The following ADRA1A variants were observed in gnomAD, a reference collection of about 807,000 sequenced individuals.
The protein encoded by ADRA1A is adrenoceptor alpha 1A.
Under a neutral mutation model 29.6 loss-of-function variants are expected in ADRA1A, and 31 were observed. The ratio of observed to expected loss-of-function variants is 1.05; its 90% CI spans 0.79 to 1.41. The LOEUF is 1.41. ADRA1A is among the 40% of genes most tolerant of loss of function. The pLI, the probability that ADRA1A is intolerant of heterozygous loss-of-function variation, is 0.00. For synonymous variants in ADRA1A, 311 were observed against 254.3 expected, an observed-to-expected ratio of 1.22 and a Z score of -2.12; for missense variants, 619 against 601.1, an observed-to-expected ratio of 1.03 and a Z score of -0.31.
In ADRA1A at chr8:26,865,161, G is replaced by A; in HGVS notation, c.-192C>T. On this transcript the variant is annotated 5_prime_UTR_variant, in exon 2 of 3. Coordinates refer to ENST00000380573, the MANE Select transcript of ADRA1A (RefSeq NM_000680.4). This position sits in a 1 kb window ranked among gnomAD's most constrained non-coding sequence, Gnocchi z 7.6. ...GGCCAGCCCTGGGAACCCTCAGAAG[G>A]CCACATGAAGGGGCAGGGCATTAAA... The A allele has an allele frequency of 7.0e-7, 1 of 1,429,488 alleles. No individual in the cohort carries two copies. Among genetic ancestry groups the A allele is most frequent in the East Asian group, 2.5e-5 (1 of 39,318 alleles). The allele number at this position is 1,429,488 out of a possible 1,614,324, so 88.6% of individuals were successfully genotyped here. A position where few individuals can be genotyped will look rare whatever the true frequency, so the allele number is the denominator to read the frequency against.
At position 26,815,062 on chromosome 8, in the gene ADRA1A, T is replaced by C. The variant is rs2130562153; in HGVS notation, c.884-44396A>G. Among the ~76,000 whole-genome samples, 2 of 152,316 alleles carry C rather than the reference T, an allele frequency of 1.3e-5. No homozygotes were observed. The highest frequency in any genetic ancestry group is 1.3e-4 in the Admixed American group (2 of 15,298). ...TCCTTATGTATTTAACTCACTGTAG[T>C]AATTTAGAAAAACATGTTTTATTTC... On this transcript the variant is annotated intron_variant, in intron 2 of 2. Coordinates refer to ENST00000380573, the MANE Select transcript of ADRA1A (RefSeq NM_000680.4). This position sits in a 1 kb window ranked among gnomAD's most constrained non-coding sequence, Gnocchi z 4.2.
chr8:26,767,309 T>C (rs919184042), downstream of ADRA1A, among the ~76,000 whole-genome samples: 3 of 152,070 alleles, frequency 2.0e-5, no homozygotes, highest in Admixed American at 2.0e-4. Context: ...TGAGTATAAA[T>C]ATGACAATCA....
At chr8:26,753,709 A>G (rs1184267720), downstream of ADRA1A, among the ~76,000 whole-genome samples, 1 of 152,166 alleles carries the variant, frequency 6.6e-6, no homozygotes, top group African/African-American at 2.4e-5. Context: ...AACTATTACA[A>G]TCTACCTCAT....
At chr8:26,803,406 ATACTT>A (rs1303830685) in intron 2 of ADRA1A, among the ~76,000 whole-genome samples, 2 of 152,210 alleles carry the variant, frequency 1.3e-5, no homozygotes, top group African/African-American at 4.8e-5. Context: ...CTCTTGAACT[ATACTT>A]ATACTGTGCA....
Position 26,770,567 on chromosome 8 carries a change from C to CCAAGAGTATATG in ADRA1A, c.982_983insCATATACTCTTG (p.Cys328delinsSerTyrThrLeuGly). 1 of 1,614,146 alleles carries CCAAGAGTATATG rather than the reference C, an allele frequency of 6.2e-7. No individual in the cohort carries two copies. Among genetic ancestry groups the CCAAGAGTATATG allele is most frequent in the Non-Finnish European group, 8.5e-7 (1 of 1,180,030 alleles). Reference sequence around the variant, plus strand: ...GGCCTTTTTGAACTCTTGGCTGGAGCATGGGTATATGATGGGGTTGATGCA... The same window carrying CCAAGAGTATATG: ...GGCCTTTTTGAACTCTTGGCTGGAGCCAAGAGTATATGATGGGTATATGATGGGGTTGATGCA... On this transcript the variant is annotated protein_altering_variant, in exon 3 of 3. Coordinates refer to ENST00000380573, the MANE Select transcript of ADRA1A (RefSeq NM_000680.4).
rs1404749421 is a variant in ADRA1A, at chr8:26,866,610, G to T, written c.-687+326C>A. On this transcript the variant is annotated intron_variant, in intron 1 of 2. Coordinates refer to ENST00000380573, the MANE Select transcript of ADRA1A (RefSeq NM_000680.4). The surrounding 1 kb of genome is among the most constrained non-coding windows in gnomAD (Gnocchi z 5.7). ...TGCCCACCTTGCCTTCTGGGGTTGG[G>T]CCCTGAGGTGGGACCTCGGGCAAAG... Among the ~76,000 whole-genome samples, 1 of 152,146 alleles carries T rather than the reference G, an allele frequency of 6.6e-6. No homozygotes were observed. The highest frequency in any genetic ancestry group is 1.5e-5 in the Non-Finnish European group (1 of 68,026).
intron 2 of ADRA1A, among the ~76,000 whole-genome samples, chr8:26,749,564 C>A (rs754166856): frequency 6.6e-6 from 1 of 152,076 alleles, no homozygotes; most frequent in Non-Finnish European, 1.5e-5. Context: ...GGGTGGTTAC[C>A]TTTAGGGATT....
intron 2 of ADRA1A, among the ~76,000 whole-genome samples, chr8:26,777,440 T>C (rs1345512990): frequency 6.6e-6 from 1 of 152,224 alleles, no homozygotes; most frequent in Admixed American, 6.5e-5. Flanking sequence ...GGACAAGCTG[T>C]ACCCTGGCTG....
rs2130596355 is a variant in ADRA1A at position 26,821,428 on chromosome 8, A to T, written c.883+42659T>A. ...GGGAGTGGGGAGGCCTCAGACTTTT[A>T]AACAAGCAGACCTCGAGTGAACTGA... On this transcript the variant is annotated intron_variant, in intron 2 of 2. Transcript: ENST00000380573. This position sits in a 1 kb window ranked among gnomAD's most constrained non-coding sequence, Gnocchi z 5.6. 6.6e-6 allele frequency among the ~76,000 whole-genome samples: 1 copy of T among 152,212 alleles called. No homozygotes were observed. Among genetic ancestry groups the T allele is most frequent in the African/African-American group, 2.4e-5 (1 of 41,536 alleles).
intron 2 of ADRA1A, among the ~76,000 whole-genome samples, chr8:26,818,484 AACTT>A (rs1809919625): frequency 3.9e-5 from 6 of 152,302 alleles, no homozygotes; most frequent in African/African-American, 1.4e-4. Flanking sequence ...AGACCCAGAA[AACTT>A]TACAGATGAG....
At chr8:26,766,030 A>G (rs766101109), downstream of ADRA1A, 62 of 1,612,988 alleles carry the variant, frequency 3.8e-5, no homozygotes, top group Non-Finnish European at 5.2e-5. Context: ...CAGACTGCCT[A>G]GGTCTCCAGC....
chr8:26,786,062 A>G (rs1807352817), intron 2 of ADRA1A, among the ~76,000 whole-genome samples: 1 of 152,024 alleles, frequency 6.6e-6, no homozygotes, highest in Admixed American at 6.5e-5. Flanking sequence ...TAATTCGGTG[A>G]CATTTCCACT....
rs1357227171 is a variant in ADRA1A at position 26,812,866 on chromosome 8, C to T, written c.884-42200G>A. Among the ~76,000 whole-genome samples the T allele has an allele frequency of 2.6e-5, 4 of 152,054 alleles. No homozygotes were observed. The East Asian group carries it at 7.7e-4, about 29-fold the overall frequency. ...ATTTTTAGTAGAGACTGGAGTTTCA[C>T]CGTGTTAGCCAGGATGGTCTCGATC... On this transcript the variant is annotated intron_variant, in intron 2 of 2. Transcript: ENST00000380573.
In ADRA1A at chr8:26,866,547, A is replaced by G. The variant is rs1813918158; in HGVS notation, c.-687+389T>C. ...CCTGGGTTTCCACAACTGCGAACCT[A>G]CCGCAGGGACTCGGCAGGACAGCGC... On this transcript the variant is annotated intron_variant, in intron 1 of 2. Transcript: ENST00000380573. The surrounding 1 kb of genome is among the most constrained non-coding windows in gnomAD (Gnocchi z 5.7). Among the ~76,000 whole-genome samples the G allele has an allele frequency of 6.6e-6, 1 of 152,120 alleles. No individual in the cohort carries two copies. The highest frequency in any genetic ancestry group is 1.5e-5 in the Non-Finnish European group (1 of 68,024).
rs1343935444 is a variant in ADRA1A, at chr8:26,823,513, T to C, written c.883+40574A>G. Among the ~76,000 whole-genome samples the C allele has an allele frequency of 6.6e-6, 1 of 152,198 alleles. No homozygotes were observed. The highest frequency in any genetic ancestry group is 2.4e-5 in the African/African-American group (1 of 41,442). ...GTTCTCTCATAAAAACTGAATTCTA[T>C]GAAGAACAAAACCTTTCCTCCATCT... On this transcript the variant is annotated intron_variant, in intron 2 of 2. Transcript: ENST00000380573. This position sits in a 1 kb window ranked among gnomAD's most constrained non-coding sequence, Gnocchi z 4.2.
chr8:26,855,893 G>C (rs1268058250), intron 2 of ADRA1A, among the ~76,000 whole-genome samples: 1 of 152,192 alleles, frequency 6.6e-6, no homozygotes, highest in Non-Finnish European at 1.5e-5. Flanking sequence ...TTAGAAAACT[G>C]TCCTCATATC....
At chr8:26,756,689 G>A (rs1268360895) in exon 3 of ADRA1A, 2 of 1,613,530 alleles carry the variant, frequency 1.2e-6, no homozygotes, top group Non-Finnish European at 1.7e-6. Flanking sequence ...TGGGTCGCAG[G>A]ACCAGTGGTG....
At chr8:26,858,189 G>A (rs1327335493) in intron 2 of ADRA1A, among the ~76,000 whole-genome samples, 1 of 152,204 alleles carries the variant, frequency 6.6e-6, no homozygotes, top group Admixed American at 6.5e-5. Context: ...TCAGCCCAAT[G>A]CTGCCTCCTT....
chr8:26,830,763 C>G (rs985961348), intron 2 of ADRA1A, among the ~76,000 whole-genome samples: 7 of 152,180 alleles, frequency 4.6e-5, no homozygotes, highest in African/African-American at 1.7e-4. Flanking sequence ...GATTCAAGTT[C>G]TACCAGAGTG....
Sources: gnomAD v4.1 joint callset for allele counts (sites outside exome capture counted in the v4.1 genomes callset) on GRCh38, gnomAD v4.1.1 for gene constraint, Gnocchi (gnomAD v3.1) non-coding constraint, MANE v1.5 for transcripts, NCBI Gene and HGNC (gene_info 2026-07-23, HGNC 2026-07-21) for gene names.